Variants in ASIC2 observed in about 807,000 individuals in gnomAD.
ASIC2 encodes acid-sensing ion channel 2.
A neutral mutation model predicts 57.3 loss-of-function variants in ASIC2; 25 were observed. That is an observed-to-expected ratio of 0.44 (90% CI 0.32 to 0.61). The LOEUF is 0.61. Among genes scored for constraint, ASIC2 ranks in the 20% least tolerant of loss-of-function variants. The pLI, the probability that ASIC2 is intolerant of heterozygous loss-of-function variation, is 0.06. For missense variants in ASIC2, 641 were observed against 738.1 expected (o/e 0.87, Z 1.52); for synonymous variants, 319 against 307.5 (o/e 1.04, Z -0.39).
intron 3 of ASIC2, among the ~76,000 whole-genome samples, chr17:33,041,653 G>T (rs2091930200): frequency 6.6e-6 from 1 of 152,220 alleles, no homozygotes; most frequent in African/African-American, 2.4e-5. Flanking sequence ...TGGCTTAAAT[G>T]CTCCTTCTGT....
chr17:34,095,041 A>G (rs1910467091), intron 1 of ASIC2, among the ~76,000 whole-genome samples: 1 of 152,248 alleles, frequency 6.6e-6, no homozygotes, highest in African/African-American at 2.4e-5. Flanking sequence ...TGAGCAACTC[A>G]TAACTCATGT....
rs530248855 is a variant in ASIC2, at chr17:33,642,250, G to A, written c.555+513728C>T. On this transcript the variant is annotated intron_variant, in intron 1 of 9. Coordinates refer to the ASIC2 transcript ENST00000359872. ...CACAATGGTTATGGCTGCACACCTG[G>A]TCTCAATACAGTGAAACTTGGGACT... is the stretch of plus-strand genomic sequence containing the variant. Among the ~76,000 whole-genome samples, 404 of 148,910 alleles carry A rather than the reference G, an allele frequency of 2.7e-3. 2 individuals carry two copies. Among genetic ancestry groups the A allele is most frequent in the African/African-American group, 9.1e-3 (369 of 40,408 alleles).
chr17:33,683,765 A>G (rs1464855799), intron 1 of ASIC2, among the ~76,000 whole-genome samples: 2 of 151,838 alleles, frequency 1.3e-5, no homozygotes, highest in African/African-American at 4.8e-5. Flanking sequence ...CTGGTCTCAA[A>G]CTCCTGGGCT....
intron 1 of ASIC2, among the ~76,000 whole-genome samples, chr17:33,791,468 C>T (rs1911770698): frequency 6.6e-6 from 1 of 152,152 alleles, no homozygotes; most frequent in Admixed American, 6.5e-5. Flanking sequence ...AACTGGATTC[C>T]AACAAGGTCT....
chr17:33,874,058 G>C (rs375132498), intron 1 of ASIC2, among the ~76,000 whole-genome samples: 3 of 152,104 alleles, frequency 2.0e-5, no homozygotes, highest in Non-Finnish European at 4.4e-5. Context: ...CCACGTCTTC[G>C]GGCTTGGCCT....
intron 1 of ASIC2, among the ~76,000 whole-genome samples, chr17:33,826,300 G>A (rs772072580): frequency 6.6e-6 from 1 of 152,200 alleles, no homozygotes; most frequent in Admixed American, 6.5e-5. Context: ...CTGTGCATTT[G>A]TGTTTTGCCA....
chr17:34,052,427 T>A (rs571299726), intron 1 of ASIC2, among the ~76,000 whole-genome samples: 72 of 152,142 alleles, frequency 4.7e-4, no homozygotes, highest in Non-Finnish European at 9.3e-4. Flanking sequence ...CCGAAAAGAC[T>A]GTTCATGGCA....
chr17:33,235,062 T>C (rs537206988), intron 1 of ASIC2, among the ~76,000 whole-genome samples: 19 of 152,278 alleles, frequency 1.2e-4, no homozygotes, highest in African/African-American at 4.1e-4. Flanking sequence ...TTTTACTTCT[T>C]CTCCATTGCA....
At chr17:33,065,700 A>G (rs1003739513) in intron 3 of ASIC2, among the ~76,000 whole-genome samples, 18 of 152,200 alleles carry the variant, frequency 1.2e-4, no homozygotes, top group African/African-American at 3.4e-4. Context: ...TGCAAGAAGT[A>G]GAGGTAAGGG....
intron 6 of ASIC2, among the ~76,000 whole-genome samples, chr17:33,023,496 A>C (rs1018975115): frequency 1.8e-4 from 27 of 152,044 alleles, no homozygotes; most frequent in African/African-American, 3.9e-4. Flanking sequence ...TCTCAAAAAA[A>C]AAAAAAAGAA....
intron 1 of ASIC2, among the ~76,000 whole-genome samples, chr17:33,825,133 C>T (rs1488779323): frequency 6.6e-6 from 1 of 152,146 alleles, no homozygotes; most frequent in East Asian, 1.9e-4. Context: ...CTAAATTTAC[C>T]ATGTCTTCTA....
intron 1 of ASIC2, among the ~76,000 whole-genome samples, chr17:33,502,866 T>C (rs1017643085): frequency 8.5e-5 from 13 of 152,210 alleles, no homozygotes; most frequent in African/African-American, 3.1e-4. Flanking sequence ...CACATCACTG[T>C]TCCTTCTTCT....
chr17:33,218,198 C>T (rs1017100672), intron 1 of ASIC2, among the ~76,000 whole-genome samples: 3 of 152,232 alleles, frequency 2.0e-5, no homozygotes, highest in Admixed American at 6.5e-5. Context: ...TGCAGTGCAA[C>T]GGCTGCCTCG....
chr17:33,884,839 T>C (rs1227657604), intron 1 of ASIC2, among the ~76,000 whole-genome samples: 1 of 152,192 alleles, frequency 6.6e-6, no homozygotes, highest in Non-Finnish European at 1.5e-5. Flanking sequence ...TTATTCATTT[T>C]TGTATTTCTC....
intron 2 of ASIC2, among the ~76,000 whole-genome samples, chr17:33,092,297 G>C (rs1192589171): frequency 1.3e-5 from 2 of 152,218 alleles, no homozygotes; most frequent in Non-Finnish European, 2.9e-5. Flanking sequence ...TTCCAGGTTG[G>C]TAGTGAAGAG....
upstream of ASIC2, among the ~76,000 whole-genome samples, chr17:33,296,059 A>G (rs1282603817): frequency 6.6e-6 from 1 of 152,108 alleles, no homozygotes; most frequent in Non-Finnish European, 1.5e-5. Context: ...TTCAAAGTGC[A>G]GGGCTTCCCC....
chr17:33,236,258 T>C (rs559465912), intron 1 of ASIC2, among the ~76,000 whole-genome samples: 2 of 152,194 alleles, frequency 1.3e-5, no homozygotes, highest in African/African-American at 2.4e-5. Context: ...GGGTCGGCTG[T>C]AGTGAGTTCA....
At chr17:33,046,678 C>T (rs1365447403) in intron 3 of ASIC2, among the ~76,000 whole-genome samples, 1 of 152,212 alleles carries the variant, frequency 6.6e-6, no homozygotes, top group Non-Finnish European at 1.5e-5. Context: ...CACCAAGCTT[C>T]AGGGCTTAGC....
chr17:33,447,810 A>G (rs929058232), intron 1 of ASIC2, among the ~76,000 whole-genome samples: 3 of 151,930 alleles, frequency 2.0e-5, no homozygotes, highest in African/African-American at 4.8e-5. Flanking sequence ...ATAGCTTACA[A>G]TAATCTATTT....
Sources: allele counts gnomAD v4.1 joint callset (sites outside exome capture counted in the v4.1 genomes callset), GRCh38; gene constraint gnomAD v4.1.1; transcripts MANE v1.5; gene names NCBI Gene and HGNC (gene_info 2026-07-23, HGNC 2026-07-21).